ATG10: variants seen among roughly 807,000 people sequenced by gnomAD.
ATG10 encodes the protein ubiquitin-like-conjugating enzyme ATG10.
In ATG10, 30 loss-of-function variants were observed where a neutral mutation model predicts 32.1. The observed-to-expected ratio is 0.94, with a 90% CI of 0.70 to 1.27. The LOEUF (loss-of-function observed/expected upper bound fraction) is 1.27. ATG10 is among the 50% of genes most tolerant of loss of function. The pLI, the probability that ATG10 is intolerant of heterozygous loss-of-function variation, is 0.00. For synonymous variants in ATG10, 87 were observed against 91.5 expected (o/e 0.95, Z 0.28); for missense variants, 233 against 262.3 (o/e 0.89, Z 0.77).
chr5:82,087,345 G>A (rs2149789276), intron 3 of ATG10, among the ~76,000 whole-genome samples: 1 of 152,204 alleles, frequency 6.6e-6, no homozygotes. Flanking sequence ...ATTGAAAAGT[G>A]CTATGTAATA....
At chr5:82,058,668 TTAA>T (rs1443351091) in intron 3 of ATG10, 66 bp downstream of exon 3, 1 of 1,069,254 alleles carries the variant, frequency 9.4e-7, no homozygotes, top group Non-Finnish European at 1.4e-6. Context: ...AATGTATACT[TTAA>T]TGACTCCATC....
chr5:82,014,670 T>A (rs1199048230), intron 2 of ATG10, among the ~76,000 whole-genome samples: 1 of 152,236 alleles, frequency 6.6e-6, no homozygotes, highest in Non-Finnish European at 1.5e-5. Context: ...GTTTTTGTTT[T>A]CCATTTTCTT....
chr5:82,051,848 C>A (rs1044291845), intron 2 of ATG10, among the ~76,000 whole-genome samples: 19 of 152,184 alleles, frequency 1.2e-4, no homozygotes, highest in Admixed American at 1.2e-3. Context: ...GGTTTAATGT[C>A]CGACCTACCT....
chr5:82,126,862 G>A (rs1197436249), intron 3 of ATG10, among the ~76,000 whole-genome samples: 1 of 152,278 alleles, frequency 6.6e-6, no homozygotes, highest in Non-Finnish European at 1.5e-5. Context: ...AATGGTACCA[G>A]CTCCTCTTTG....
At chr5:82,119,823 G>A (rs1464658812) in intron 3 of ATG10, among the ~76,000 whole-genome samples, 1 of 152,070 alleles carries the variant, frequency 6.6e-6, no homozygotes, top group African/African-American at 2.4e-5. Flanking sequence ...TACTCTTCTG[G>A]TTTTATTTGG....
rs548083413 is a variant in ATG10, at chr5:82,227,730, G to A, written c.454-24832G>A. On this transcript the variant is annotated intron_variant, in intron 5 of 7. Coordinates refer to ENST00000282185, the MANE Select transcript of ATG10 (RefSeq NM_031482.5). ...AGGGTAGTGGTTAAGTACTTGGGCT[G>A]TTGTGTCAGAGGTCTGTGCATAGAT... 4.6e-5 allele frequency among the ~76,000 whole-genome samples: 7 copies of A among 152,262 alleles called. No homozygotes were observed. In the East Asian group the frequency reaches 1.4e-3, roughly 29 times the overall value.
chr5:82,246,780 A>C (rs1348795276), intron 5 of ATG10, among the ~76,000 whole-genome samples: 1 of 152,016 alleles, frequency 6.6e-6, no homozygotes, highest in Admixed American at 6.5e-5. Flanking sequence ...TTCCCTGTAG[A>C]TTTGAGTTAC....
At chr5:82,136,560 C>T (rs1173485814) in intron 3 of ATG10, among the ~76,000 whole-genome samples, 1 of 152,204 alleles carries the variant, frequency 6.6e-6, no homozygotes, top group Admixed American at 6.5e-5. Context: ...GGTCCCTACT[C>T]TCTTCTGGCT....
At chr5:81,976,637 C>G (rs1173087207) in intron 1 of ATG10, among the ~76,000 whole-genome samples, 1 of 152,188 alleles carries the variant, frequency 6.6e-6, no homozygotes, top group African/African-American at 2.4e-5. Context: ...CTTGGCCTTG[C>G]TTCTGCCGTT....
At chr5:81,993,669 G>A (rs1287133847) in intron 2 of ATG10, among the ~76,000 whole-genome samples, 1 of 151,618 alleles carries the variant, frequency 6.6e-6, no homozygotes, top group Non-Finnish European at 1.5e-5. Flanking sequence ...CTCGTGATCC[G>A]CCTGCCTTGG....
chr5:82,088,041 G>T (rs1764749828), intron 3 of ATG10, among the ~76,000 whole-genome samples: 1 of 152,080 alleles, frequency 6.6e-6, no homozygotes, highest in East Asian at 1.9e-4. Flanking sequence ...AAAGAAAATG[G>T]TTGGTGTTGA....
chr5:82,071,700 T>A (rs1170435894), intron 3 of ATG10, among the ~76,000 whole-genome samples: 1 of 151,996 alleles, frequency 6.6e-6, no homozygotes, highest in African/African-American at 2.4e-5. Context: ...AAAGTAATTG[T>A]CAGTAGAAGG....
chr5:82,146,485 T>G, intron 3 of ATG10, among the ~76,000 whole-genome samples: 1 of 152,218 alleles, frequency 6.6e-6, no homozygotes, highest in South Asian at 2.1e-4. Flanking sequence ...GAGTTTTCTC[T>G]CACTATTTCT....
intron 5 of ATG10, among the ~76,000 whole-genome samples, chr5:82,189,304 G>A (rs921894157): frequency 3.3e-5 from 5 of 152,170 alleles, no homozygotes; most frequent in African/African-American, 9.6e-5. Flanking sequence ...ACAAGGGAGA[G>A]CCAATTAAAT....
chr5:82,072,685 C>T (rs946417264), intron 3 of ATG10, among the ~76,000 whole-genome samples: 3 of 152,072 alleles, frequency 2.0e-5, no homozygotes, highest in African/African-American at 7.2e-5. Flanking sequence ...CCGTTTATCC[C>T]AAAGGACCAA....
intron 5 of ATG10, among the ~76,000 whole-genome samples, chr5:82,178,834 T>A (rs1744130803): frequency 6.6e-6 from 1 of 152,140 alleles, no homozygotes; most frequent in Admixed American, 6.6e-5. Flanking sequence ...AATTTTAAAT[T>A]ACATATTAGG....
intron 3 of ATG10, among the ~76,000 whole-genome samples, chr5:82,067,486 T>A (rs184975916): frequency 6.6e-6 from 1 of 152,292 alleles, no homozygotes; most frequent in Non-Finnish European, 1.5e-5. Context: ...TAAAGCAGTT[T>A]AGTGTTCTGC....
intron 5 of ATG10, among the ~76,000 whole-genome samples, chr5:82,209,392 A>G (rs1396589459): frequency 6.6e-6 from 1 of 152,112 alleles, no homozygotes; most frequent in African/African-American, 2.4e-5. Context: ...AGATCATGAG[A>G]GAAGAGCCTT....
intron 3 of ATG10, among the ~76,000 whole-genome samples, chr5:82,095,785 T>G (rs562898792): frequency 9.3e-4 from 141 of 152,252 alleles, no homozygotes; most frequent in African/African-American, 3.2e-3. Context: ...CATTGTGGCC[T>G]TCCTCATATT....
Sources: allele counts gnomAD v4.1 joint callset (sites outside exome capture counted in the v4.1 genomes callset), GRCh38; gene constraint gnomAD v4.1.1; transcripts MANE v1.5; gene names NCBI Gene and HGNC (gene_info 2026-07-23, HGNC 2026-07-21).